The following CELF2 variants were observed in gnomAD, a reference collection of about 807,000 sequenced individuals.
CELF2 encodes CUG triplet repeat RNA-binding protein 2.
Under a neutral mutation model 62.6 loss-of-function variants are expected in CELF2, and 8 were observed. That is an observed-to-expected ratio of 0.13 (90% CI 0.07 to 0.23). The LOEUF is 0.23. CELF2 is among the 10% of genes least tolerant of loss of function. The pLI, the probability that CELF2 is intolerant of heterozygous loss-of-function variation, is 1.00. For synonymous variants in CELF2, 258 were observed against 250.0 expected, an observed-to-expected ratio of 1.03 and a Z score of -0.30; for missense variants, 333 against 671.0, an observed-to-expected ratio of 0.50 and a Z score of 5.56.
intron 1 of CELF2, among the ~76,000 whole-genome samples, chr10:10,821,236 G>A (rs1465042277): frequency 2.0e-5 from 3 of 152,166 alleles, no homozygotes; most frequent in East Asian, 1.9e-4. Flanking sequence ...GAGCTTCCAG[G>A]TGACTGTCTG....
the CELF2 span, among the ~76,000 whole-genome samples, chr10:10,778,602 T>C: frequency 6.6e-6 from 1 of 152,234 alleles, no homozygotes. Context: ...AGTAATCACC[T>C]GTTTACGTGT....
chr10:10,632,016 G>C, the CELF2 span, among the ~76,000 whole-genome samples: 1 of 152,116 alleles, frequency 6.6e-6, no homozygotes, highest in East Asian at 1.9e-4. Flanking sequence ...CCTGTGAAAG[G>C]CTTAGCCCAA....
At chr10:10,869,289 C>A (rs11256882) in intron 1 of CELF2, among the ~76,000 whole-genome samples, 1 of 151,956 alleles carries the variant, frequency 6.6e-6, no homozygotes, top group Non-Finnish European at 1.5e-5. Context: ...ACAGGTGGGG[C>A]GCGGTGGCTC....
At chr10:10,791,974 C>T in the CELF2 span, among the ~76,000 whole-genome samples, 3 of 124,748 alleles carry the variant, frequency 2.4e-5, no homozygotes, top group East Asian at 7.4e-4. Context: ...GGAAGGGAAT[C>T]GAAGGGAGAA....
intron 9 of CELF2, among the ~76,000 whole-genome samples, chr10:11,299,425 AATG>A (rs1275539081): frequency 6.6e-6 from 1 of 152,104 alleles, no homozygotes; most frequent in Middle Eastern, 3.2e-3. Context: ...GCCTCCCAGA[AATG>A]ATGTTCTCTC....
At chr10:10,719,240 G>A in the CELF2 span, among the ~76,000 whole-genome samples, 3 of 151,956 alleles carry the variant, frequency 2.0e-5, no homozygotes, top group Admixed American at 6.6e-5. Context: ...TTACAGGCGT[G>A]AGCCACCGCA....
At position 11,050,761 on chromosome 10, in the gene CELF2, G is replaced by T. The variant is rs1351738811; in HGVS notation, c.74+32598G>T. On this transcript the variant is annotated intron_variant, in intron 1 of 12. Coordinates refer to ENST00000633077, the MANE Select transcript of CELF2 (RefSeq NM_001326342.2). ...CCCTGCATTGCCAGACAGATCTTAA[G>T]GCCTGTCTGATGGGGTTGTGCCTCT... Among the ~76,000 whole-genome samples, 11 of 152,126 alleles carry T rather than the reference G, an allele frequency of 7.2e-5. No individual in the cohort carries two copies. In the East Asian group the frequency reaches 1.9e-3, roughly 27 times the overall value.
chr10:10,537,988 AGGGCTCTTCAT>A, the CELF2 span, among the ~76,000 whole-genome samples: 1 of 152,082 alleles, frequency 6.6e-6, no homozygotes, highest in Admixed American at 6.5e-5. Context: ...CTTGTCCCCA[AGGGCTCTTCAT>A]GGAATGAGGA....
intron 9 of CELF2, among the ~76,000 whole-genome samples, chr10:11,310,583 TTCCCTGGTG>T (rs2094511188): frequency 6.6e-6 from 1 of 152,128 alleles, no homozygotes. Context: ...TTAGAAGTAC[TTCCCTGGTG>T]TACCCTAAAA....
chr10:10,660,296 T>G, the CELF2 span, among the ~76,000 whole-genome samples: 1 of 152,298 alleles, frequency 6.6e-6, no homozygotes, highest in East Asian at 1.9e-4. Context: ...TATCCCAGAT[T>G]AAAAATAGTA....
the CELF2 span, among the ~76,000 whole-genome samples, chr10:10,667,749 G>T: frequency 3.7e-4 from 57 of 152,148 alleles, no homozygotes; most frequent in Non-Finnish European, 6.9e-4. Flanking sequence ...AGCACAATTT[G>T]GAATCAGAAG....
At chr10:11,304,349 T>C (rs2094028652) in intron 9 of CELF2, among the ~76,000 whole-genome samples, 1 of 152,210 alleles carries the variant, frequency 6.6e-6, no homozygotes, top group Admixed American at 6.5e-5. Context: ...CCATCCACAA[T>C]AACCTCCCCC....
chr10:11,332,397 G>GAGTT lies in CELF2; in HGVS notation c.*3347_*3350dup, dbSNP rs1231896731. 4 of 152,348 alleles carry GAGTT rather than the reference G, an allele frequency of 2.6e-5. No homozygotes were observed. Among genetic ancestry groups the GAGTT allele is most frequent in the South Asian group, 2.1e-4 (1 of 4,816 alleles). 9.4% of individuals were successfully genotyped at this position (152,348 alleles called of 1,614,324 possible). A position where few individuals can be genotyped will look rare whatever the true frequency, so the allele number is the denominator to read the frequency against. ...TACCTCTGAATATACCAGGTGTCTG[G>GAGTT]AGTTAGAAGCCCATAGCCCTTTCCC... On this transcript the variant is annotated 3_prime_UTR_variant, in exon 13 of 13. Coordinates refer to ENST00000633077, the MANE Select transcript of CELF2 (RefSeq NM_001326342.2).
At chr10:10,587,562 CATAAA>C in the CELF2 span, among the ~76,000 whole-genome samples, 1 of 152,124 alleles carries the variant, frequency 6.6e-6, no homozygotes, top group African/African-American at 2.4e-5. Context: ...AATAGAATAA[CATAAA>C]ATAAACATCT....
chr10:11,006,108 G>A (rs1187373045), intron 1 of CELF2, among the ~76,000 whole-genome samples: 1 of 152,156 alleles, frequency 6.6e-6, no homozygotes, highest in African/African-American at 2.4e-5. Flanking sequence ...TGATAGAATT[G>A]GCATCCTGCT....
intron 2 of CELF2, among the ~76,000 whole-genome samples, chr10:10,932,597 AG>A (rs1338746460): frequency 6.6e-6 from 1 of 152,208 alleles, no homozygotes; most frequent in Non-Finnish European, 1.5e-5. Context: ...GTTCAAAAGT[AG>A]GAATCAATTT....
At chr10:11,068,079 CAT>C (rs1214167535) in intron 1 of CELF2, among the ~76,000 whole-genome samples, 1 of 152,202 alleles carries the variant, frequency 6.6e-6, no homozygotes, top group African/African-American at 2.4e-5. Context: ...AGTTATTTCA[CAT>C]AGTGTGGAGA....
chr10:10,635,285 T>A, the CELF2 span, among the ~76,000 whole-genome samples: 1 of 152,190 alleles, frequency 6.6e-6, no homozygotes, highest in Admixed American at 6.5e-5. Flanking sequence ...TGTAAATAAT[T>A]TAAAAATCAT....
the CELF2 span, among the ~76,000 whole-genome samples, chr10:10,489,286 C>T: frequency 6.6e-5 from 10 of 152,212 alleles, no homozygotes; most frequent in African/African-American, 2.2e-4. Flanking sequence ...TTAGTCCTGT[C>T]GTCACCTTCA....
Sources: gnomAD v4.1 joint callset for allele counts (sites outside exome capture counted in the v4.1 genomes callset) on GRCh38, gnomAD v4.1.1 for gene constraint, MANE v1.5 for transcripts, NCBI Gene and HGNC (gene_info 2026-07-23, HGNC 2026-07-21) for gene names.